Variants in ANK1 observed in about 807,000 individuals in gnomAD.
ANK1 encodes the protein ankyrin-1.
ANK1 carries 51 observed loss-of-function variants against 210.4 expected under a neutral mutation model. The observed-to-expected ratio is 0.24, with a 90% CI of 0.19 to 0.31. The LOEUF (loss-of-function observed/expected upper bound fraction) is 0.31, where lower values mean the gene tolerates loss of function less well. Ranked by LOEUF, ANK1 falls within the 10% of genes least tolerant of loss-of-function variation. The pLI, the probability that ANK1 is intolerant of heterozygous loss-of-function variation, is 1.00. For synonymous variants in ANK1, 967 were observed against 1,025.9 expected (o/e 0.94, Z 1.10); for missense variants, 2,051 against 2,504.4 (o/e 0.82, Z 3.86).
chr8:41,754,194 C>T (rs1427215860), intron 2 of ANK1, among the ~76,000 whole-genome samples: 1 of 152,238 alleles, frequency 6.6e-6, no homozygotes, highest in Non-Finnish European at 1.5e-5. Context: ...CCCAGCTCTC[C>T]ATATACACGT....
At chr8:41,741,695 TTC>T (rs1484848100) in intron 2 of ANK1, among the ~76,000 whole-genome samples, 2 of 152,188 alleles carry the variant, frequency 1.3e-5, no homozygotes, top group African/African-American at 4.8e-5. Flanking sequence ...CTGTTTGAAA[TTC>T]TGTTTACTCA....
chr8:41,696,618 C>G (rs1171979731), intron 25 of ANK1, 31 bp from the exon 26 acceptor site: 1 of 1,612,316 alleles, frequency 6.2e-7, no homozygotes, highest in East Asian at 2.2e-5. Context: ...CGTTGGGCTT[C>G]TGCATCCCCT....
At chr8:41,735,641 A>T (rs1392822988) in intron 2 of ANK1, among the ~76,000 whole-genome samples, 1 of 152,194 alleles carries the variant, frequency 6.6e-6, no homozygotes, top group Non-Finnish European at 1.5e-5. Context: ...GTGTCAGGGC[A>T]TCATTTTCAG....
chr8:41,673,753 G>A (rs1042236977), intron 37 of ANK1, among the ~76,000 whole-genome samples: 3 of 152,224 alleles, frequency 2.0e-5, no homozygotes, highest in Admixed American at 1.3e-4. Flanking sequence ...CCCGTGCATT[G>A]ACAGGAAAAA....
At chr8:41,772,344 A>G (rs1843122043) in intron 1 of ANK1, among the ~76,000 whole-genome samples, 2 of 152,198 alleles carry the variant, frequency 1.3e-5, no homozygotes, top group South Asian at 4.1e-4. Context: ...CATCTCTCCA[A>G]TATTGGGAGA....
intron 1 of ANK1, among the ~76,000 whole-genome samples, chr8:41,785,312 A>G (rs996852738): frequency 2.2e-4 from 34 of 152,170 alleles, no homozygotes; most frequent in Admixed American, 2.2e-3. Flanking sequence ...GTGAGCTATG[A>G]ACACACCACT....
At chr8:41,661,210 A>G (rs1043520622) in intron 42 of ANK1, 16 of 652,150 alleles carry the variant, frequency 2.5e-5, no homozygotes, top group Non-Finnish European at 3.8e-5. Flanking sequence ...GCGGTCCCTG[A>G]TAAGTGGATA....
intron 1 of ANK1, among the ~76,000 whole-genome samples, chr8:41,842,490 C>A (rs1350097311): frequency 2.0e-5 from 3 of 150,772 alleles, no homozygotes; most frequent in African/African-American, 7.3e-5. Context: ...GAGACTCTAT[C>A]TCAAAAAAAA....
At chr8:41,876,517 C>G (rs1464651747) in intron 1 of ANK1, among the ~76,000 whole-genome samples, 1 of 152,184 alleles carries the variant, frequency 6.6e-6, no homozygotes, top group Non-Finnish European at 1.5e-5. Flanking sequence ...ATAAGAAAGC[C>G]GAGGCTAAGT....
chr8:41,810,979 T>A (rs1802402039), intron 1 of ANK1, among the ~76,000 whole-genome samples: 1 of 152,268 alleles, frequency 6.6e-6, no homozygotes, highest in Admixed American at 6.5e-5. Context: ...GTTCTTGGTC[T>A]GCAGAAATGC....
chr8:41,889,264 G>T (rs1285690310), intron 1 of ANK1, among the ~76,000 whole-genome samples: 3 of 152,212 alleles, frequency 2.0e-5, no homozygotes, highest in African/African-American at 7.2e-5. Context: ...AATAAGCTTT[G>T]GAGTCAGGTG....
intron 1 of ANK1, among the ~76,000 whole-genome samples, chr8:41,872,372 C>T (rs1011328431): frequency 6.6e-6 from 1 of 152,214 alleles, no homozygotes; most frequent in Non-Finnish European, 1.5e-5. Flanking sequence ...GGCCTCTGTG[C>T]AGCTATCCCA....
intron 1 of ANK1, among the ~76,000 whole-genome samples, chr8:41,872,334 C>G (rs1815696631): frequency 6.6e-6 from 1 of 152,228 alleles, no homozygotes; most frequent in African/African-American, 2.4e-5. Flanking sequence ...GCTGGATGTG[C>G]TCCACTTCCT....
intron 39 of ANK1, chr8:41,665,228 C>A (rs1454135225): frequency 7.2e-6 from 11 of 1,520,042 alleles, no homozygotes; most frequent in South Asian, 2.4e-5. Flanking sequence ...GCTGAAGCAG[C>A]CCGGCCCAAG....
intron 1 of ANK1, among the ~76,000 whole-genome samples, chr8:41,881,376 T>C (rs1358039851): frequency 6.6e-6 from 1 of 152,232 alleles, no homozygotes; most frequent in Non-Finnish European, 1.5e-5. Context: ...GTGTGTGGTA[T>C]GTACAGATCT....
Position 41,797,605 on chromosome 8 carries a change from G to C in ANK1, c.-67C>G. On this transcript the variant is annotated 5_prime_UTR_variant, in exon 1 of 43. Transcript: ENST00000289734. This position sits in a 1 kb window ranked among gnomAD's most constrained non-coding sequence, Gnocchi z 4.0. ...TTGAGGAGGAGCAGCTGGGGCTGGC[G>C]GACTCACCGCAGCCTCTGCGGGGCC... 1.9e-6 allele frequency: 3 copies of C among 1,605,254 alleles called. No homozygotes were observed. The Admixed American group carries it at 5.1e-5, about 27-fold the overall frequency.
At chr8:41,820,585 G>A (rs558354463) in intron 1 of ANK1, among the ~76,000 whole-genome samples, 1 of 151,944 alleles carries the variant, frequency 6.6e-6, no homozygotes. Flanking sequence ...TTTTCTCAGG[G>A]GTCCCAGGAT....
chr8:41,713,285 G>A (rs80212857), intron 16 of ANK1, among the ~76,000 whole-genome samples: 3,135 of 152,258 alleles, frequency 0.021, 113 homozygotes, highest in African/African-American at 0.07. Context: ...TCCTGGCCCC[G>A]CTCCCTCTCC....
Position 41,689,937 on chromosome 8 carries a change from C to A in ANK1, c.4104+290G>T, listed in dbSNP as rs541171629. On this transcript the variant is annotated intron_variant, in intron 33 of 42. Coordinates refer to ENST00000289734, the MANE Select transcript of ANK1 (RefSeq NM_000037.4). ...CCTTGTCACTTTCACACCTAGGGAG[C>A]CCAGGGTCCACAGCGTGAATGTGCC... is the stretch of plus-strand genomic sequence containing the variant. Among the ~76,000 whole-genome samples, 5 of 152,310 alleles carry A rather than the reference C, an allele frequency of 3.3e-5. No individual in the cohort carries two copies. The East Asian group carries it at 9.6e-4, about 29-fold the overall frequency.
Sources: gnomAD v4.1 joint callset for allele counts (sites outside exome capture counted in the v4.1 genomes callset) on GRCh38, gnomAD v4.1.1 for gene constraint, Gnocchi (gnomAD v3.1) non-coding constraint, MANE v1.5 for transcripts, NCBI Gene and HGNC (gene_info 2026-07-23, HGNC 2026-07-21) for gene names.